ZMAT4: variants seen among roughly 807,000 people sequenced by gnomAD.
ZMAT4 encodes the protein zinc finger matrin-type protein 4.
A neutral mutation model predicts 28.7 loss-of-function variants in ZMAT4; 17 were observed. The ratio of observed to expected loss-of-function variants is 0.59; its 90% CI spans 0.41 to 0.89. ZMAT4 has a LOEUF of 0.89. Among genes scored for constraint, ZMAT4 ranks in the 40% least tolerant of loss-of-function variants. The probability of loss-of-function intolerance (pLI) is 0.00; values close to 1 mark genes in which losing one functional copy is unlikely to be tolerated. For missense variants in ZMAT4, 240 were observed against 283.8 expected (o/e 0.85, Z 1.11); for synonymous variants, 117 against 109.2 (o/e 1.07, Z -0.44).
At chr8:40,867,716 T>C (rs1024732003) in intron 1 of ZMAT4, among the ~76,000 whole-genome samples, 9 of 152,302 alleles carry the variant, frequency 5.9e-5, no homozygotes, top group Non-Finnish European at 1.0e-4. Context: ...GAGTCTTTGT[T>C]CAGTTGCCAC....
At chr8:40,843,456 T>G (rs1263368185) in intron 1 of ZMAT4, among the ~76,000 whole-genome samples, 4 of 152,192 alleles carry the variant, frequency 2.6e-5, no homozygotes, top group African/African-American at 7.2e-5. Context: ...GGAATGGAGC[T>G]GAGGAAGAGA....
intron 3 of ZMAT4, among the ~76,000 whole-genome samples, chr8:40,723,137 C>T (rs915955985): frequency 6.6e-6 from 1 of 152,094 alleles, no homozygotes; most frequent in African/African-American, 2.4e-5. Context: ...CAGAGCATTG[C>T]CTATGAATAC....
chr8:40,859,471 CAT>C (rs1491321798), intron 1 of ZMAT4, among the ~76,000 whole-genome samples: 15,743 of 152,052 alleles, frequency 0.1, 1,005 homozygotes, highest in African/African-American at 0.16. Flanking sequence ...CACACACACA[CAT>C]GCACACACAC....
chr8:40,820,510 A>G (rs921323180), intron 2 of ZMAT4, among the ~76,000 whole-genome samples: 3 of 141,304 alleles, frequency 2.1e-5, no homozygotes, highest in Non-Finnish European at 3.1e-5. Flanking sequence ...GTATGTGTGT[A>G]TTGGTGTGTA....
chr8:40,881,528 CAGAAAGAAAGAA>C (rs201960642), intron 1 of ZMAT4, among the ~76,000 whole-genome samples: 3,306 of 51,554 alleles, frequency 0.064, 94 homozygotes, highest in Admixed American at 0.091. Flanking sequence ...GAGAGAGAGA[CAGAAAGAAAGAA>C]AGAAAGAAAG....
Position 40,829,276 on chromosome 8 carries a change from G to A in ZMAT4, c.-4-3596C>T, listed in dbSNP as rs147285061. ...CACATTGCAAAGGCACATTGCAAAGGCAGGCACATTGCCAAGCAACCACTG... is the reference window on the plus strand; with the variant it reads ...CACATTGCAAAGGCACATTGCAAAGACAGGCACATTGCCAAGCAACCACTG... On this transcript the variant is annotated intron_variant, in intron 1 of 6. Transcript: ENST00000297737. 2.6e-5 allele frequency among the ~76,000 whole-genome samples: 4 copies of A among 152,326 alleles called. No individual in the cohort carries two copies. In the East Asian group the frequency reaches 7.7e-4, roughly 29 times the overall value.
At chr8:40,691,770 T>G (rs1205140733) in intron 4 of ZMAT4, among the ~76,000 whole-genome samples, 1 of 152,208 alleles carries the variant, frequency 6.6e-6, no homozygotes, top group Non-Finnish European at 1.5e-5. Flanking sequence ...TGTAATGTGT[T>G]TCCGTCACTT....
chr8:40,552,433 T>C (rs1803394700), intron 6 of ZMAT4, among the ~76,000 whole-genome samples: 1 of 152,190 alleles, frequency 6.6e-6, no homozygotes, highest in African/African-American at 2.4e-5. Flanking sequence ...TATCCAAGTC[T>C]TTATGTCCTC....
At chr8:40,552,753 G>A (rs1317596376) in intron 6 of ZMAT4, among the ~76,000 whole-genome samples, 2 of 152,048 alleles carry the variant, frequency 1.3e-5, no homozygotes, top group Non-Finnish European at 2.9e-5. Flanking sequence ...AGGCCACACG[G>A]GGCCTCTTTA....
intron 1 of ZMAT4, among the ~76,000 whole-genome samples, chr8:40,834,933 G>C (rs1816422073): frequency 6.6e-6 from 1 of 152,218 alleles, no homozygotes; most frequent in Admixed American, 6.5e-5. Context: ...GCTTTGGGGA[G>C]AGCCCAAGGT....
chr8:40,623,642 A>C (rs1281508356), intron 5 of ZMAT4, among the ~76,000 whole-genome samples: 1 of 152,166 alleles, frequency 6.6e-6, no homozygotes, highest in Admixed American at 6.5e-5. Flanking sequence ...GTGTACAAGA[A>C]ACTGAATCAA....
chr8:40,803,760 A>C (rs1190731374), intron 2 of ZMAT4, among the ~76,000 whole-genome samples: 1 of 152,208 alleles, frequency 6.6e-6, no homozygotes, highest in Non-Finnish European at 1.5e-5. Context: ...ACTTGTGCCC[A>C]CAAAAAAAGC....
At chr8:40,709,560 T>A (rs1216525407) in intron 3 of ZMAT4, among the ~76,000 whole-genome samples, 1 of 152,228 alleles carries the variant, frequency 6.6e-6, no homozygotes, top group African/African-American at 2.4e-5. Context: ...ATTTTAGACT[T>A]GCAAAATAAT....
At chr8:40,840,923 A>ATTGT (rs1224806391) in intron 1 of ZMAT4, among the ~76,000 whole-genome samples, 1 of 152,138 alleles carries the variant, frequency 6.6e-6, no homozygotes, top group Non-Finnish European at 1.5e-5. Context: ...TGCTAAAAAT[A>ATTGT]TTGTTTCTTC....
intron 3 of ZMAT4, among the ~76,000 whole-genome samples, chr8:40,752,570 A>C (rs537522535): frequency 6.6e-6 from 1 of 152,172 alleles, no homozygotes; most frequent in Non-Finnish European, 1.5e-5. Context: ...GGACTTAAAG[A>C]TCAGCATCCC....
intron 1 of ZMAT4, among the ~76,000 whole-genome samples, chr8:40,850,272 CA>C (rs1321287768): frequency 2.0e-4 from 30 of 152,144 alleles, no homozygotes; most frequent in South Asian, 4.1e-4. Flanking sequence ...CTGTGAGCCC[CA>C]CCCAATCTGC....
At chr8:40,892,139 G>A (rs772657424) in intron 1 of ZMAT4, among the ~76,000 whole-genome samples, 2 of 152,204 alleles carry the variant, frequency 1.3e-5, no homozygotes, top group Non-Finnish European at 2.9e-5. Flanking sequence ...CGTTCCGTAA[G>A]GTAACAGGTG....
At chr8:40,588,518 A>G (rs891174719) in intron 5 of ZMAT4, among the ~76,000 whole-genome samples, 1 of 152,154 alleles carries the variant, frequency 6.6e-6, no homozygotes, top group Non-Finnish European at 1.5e-5. Flanking sequence ...AAGCACATGA[A>G]AAGTTTCTCA....
At chr8:40,864,241 C>G (rs1817600668) in intron 1 of ZMAT4, among the ~76,000 whole-genome samples, 1 of 152,212 alleles carries the variant, frequency 6.6e-6, no homozygotes, top group African/African-American at 2.4e-5. Context: ...CAGGAAATGA[C>G]CTCGCCTGGG....
Sources: allele counts gnomAD v4.1 joint callset (sites outside exome capture counted in the v4.1 genomes callset), GRCh38; gene constraint gnomAD v4.1.1; transcripts MANE v1.5; gene names NCBI Gene and HGNC (gene_info 2026-07-23, HGNC 2026-07-21).